The following IGF2R variants were observed in gnomAD, a reference collection of about 807,000 sequenced individuals.
The protein encoded by IGF2R is cation-independent mannose-6-phosphate receptor.
IGF2R carries 91 observed loss-of-function variants against 270.6 expected under a neutral mutation model. The observed-to-expected ratio is 0.34, with a 90% CI of 0.28 to 0.40. The LOEUF is 0.40. Among genes scored for constraint, IGF2R ranks in the 10% least tolerant of loss-of-function variants. The probability of loss-of-function intolerance (pLI) is 1.00; values close to 1 mark genes in which losing one functional copy is unlikely to be tolerated. For missense variants in IGF2R, 2,805 were observed against 3,188.3 expected (o/e 0.88, Z 2.90); for synonymous variants, 1,316 against 1,258.9 (o/e 1.05, Z -0.96).
chr6:160,053,117 A>G (rs561923335), intron 19 of IGF2R, among the ~76,000 whole-genome samples: 9 of 152,308 alleles, frequency 5.9e-5, no homozygotes, highest in Non-Finnish European at 7.3e-5. Flanking sequence ...CTGCACGGCA[A>G]AAGAAGCATG....
In IGF2R at chr6:160,048,379, G is replaced by A; in HGVS notation, c.2350G>A (p.Ala784Thr). 6.2e-7 allele frequency: 1 copy of A among 1,614,120 alleles called. No homozygotes were observed. The part of the protein sequence containing the change: ...TLEQYDLSSL[A>T]KSEGGLGGNW... Reference sequence around the variant, plus strand: ...CATTTTGCTTTGAAATTTTAGTCTGGCAAAATCTGAAGGTGGCCTTGGAGG... The same window carrying A: ...CATTTTGCTTTGAAATTTTAGTCTGACAAAATCTGAAGGTGGCCTTGGAGG... Residue 784 changes from alanine (A) to threonine (T), a missense_variant, in exon 18 of 48, where the codon GCA becomes ACA. Physicochemically the swap from Ala to Thr is moderately conservative, Grantham distance 58. This residue lies in a region of IGF2R where 1,851 missense variants were observed against 2,207.2 expected (regional missense o/e 0.84). Coordinates refer to ENST00000356956, the MANE Select transcript of IGF2R (RefSeq NM_000876.4).
rs1022610212 is a variant in IGF2R at position 160,072,926 on chromosome 6, C to A, written c.4690+42C>A. 6 of 1,574,508 alleles carry A rather than the reference C, an allele frequency of 3.8e-6. No homozygotes were observed. The African/African-American group carries it at 6.8e-5, about 18-fold the overall frequency. On this transcript the variant is annotated intron_variant, in intron 33 of 47. Transcript: ENST00000356956. ...CTCGTGTGTTGTCTGACTCTCCCGT[C>A]CTCTGGGGTTGTCCTCAGTCTCTTT... is the stretch of plus-strand genomic sequence containing the variant.
chr6:160,078,239 T>C lies in IGF2R; in HGVS notation c.5355T>C (p.Phe1785=). The change falls in exon 37 of 48, where the codon TTT becomes TTC. Residue 1785 remains phenylalanine (F), a synonymous_variant. Coordinates refer to ENST00000356956, the MANE Select transcript of IGF2R (RefSeq NM_000876.4). ...PKLLRTSECD[F]VFEWETPVVC... ...TGTTAAGGACCAGCGAGTGCGACTT[T>C]GTGTTCGAATGGGAGACTCCTGTCG... is the stretch of plus-strand genomic sequence containing the variant. The C allele has an allele frequency of 6.2e-7, 1 of 1,614,174 alleles. No homozygotes were observed. The highest frequency in any genetic ancestry group is 8.5e-7 in the Non-Finnish European group (1 of 1,180,002).
intron 12 of IGF2R, among the ~76,000 whole-genome samples, chr6:160,044,084 A>G (rs1778010702): frequency 6.6e-6 from 1 of 152,208 alleles, no homozygotes; most frequent in Non-Finnish European, 1.5e-5. Context: ...TGCTTTGGAT[A>G]TGAGACACAT....
chr6:160,030,250 G>A (rs1331501490), intron 7 of IGF2R, among the ~76,000 whole-genome samples: 1 of 152,228 alleles, frequency 6.6e-6, no homozygotes, highest in Non-Finnish European at 1.5e-5. Flanking sequence ...CCAGGGGCAG[G>A]TGCTGATGGA....
chr6:160,068,337 C>T lies in IGF2R; in HGVS notation c.4204C>T (p.His1402Tyr), dbSNP rs759574127. Residue 1402 changes from histidine to tyrosine, a missense_variant, in exon 30 of 48, where the codon CAC becomes TAC. This residue lies in a region of IGF2R where 1,851 missense variants were observed against 2,207.2 expected (regional missense o/e 0.84). Coordinates refer to ENST00000356956, the MANE Select transcript of IGF2R (RefSeq NM_000876.4). ...EAITGTGDPE[H>Y]YLINVCKSLA... ...CATCACTGGGACGGGGGACCCGGAG[C>T]ACTACCTCATCAATGTCTGCAAGTC... is the stretch of plus-strand genomic sequence containing the variant. The T allele has an allele frequency of 9.9e-6, 16 of 1,614,140 alleles. No individual in the cohort carries two copies. The highest frequency in any genetic ancestry group is 6.7e-5 in the African/African-American group (5 of 74,952).
At chr6:160,002,210 G>A (rs188005175) in intron 2 of IGF2R, among the ~76,000 whole-genome samples, 8 of 152,198 alleles carry the variant, frequency 5.3e-5, no homozygotes, top group South Asian at 2.1e-4. Flanking sequence ...GGACAACATA[G>A]TGGAACCCCA....
chr6:160,027,978 A>G (rs948321156), intron 6 of IGF2R, among the ~76,000 whole-genome samples: 1 of 152,176 alleles, frequency 6.6e-6, no homozygotes, highest in African/African-American at 2.4e-5. Context: ...AGCATGTGCA[A>G]TTATAATGGC....
At chr6:160,022,361 T>C (rs1325385977) in intron 4 of IGF2R, among the ~76,000 whole-genome samples, 2 of 152,222 alleles carry the variant, frequency 1.3e-5, no homozygotes, top group Non-Finnish European at 1.5e-5. Context: ...AATATCCATG[T>C]AATACAACTG....
intron 41 of IGF2R, among the ~76,000 whole-genome samples, chr6:160,086,406 A>G (rs771783353): frequency 3.3e-5 from 5 of 152,182 alleles, no homozygotes; most frequent in South Asian, 4.1e-4. Flanking sequence ...CGCTTAGGGA[A>G]TGGACCCCTG....
intron 11 of IGF2R, 109 bp from the exon 12 acceptor site, chr6:160,043,039 G>C: frequency 1.7e-6 from 2 of 1,181,960 alleles, no homozygotes; most frequent in South Asian, 2.9e-5. Flanking sequence ...GAGTGACGAA[G>C]TGGTTTGGGA....
chr6:160,045,621 C>G, intron 13 of IGF2R, 124 bp from the exon 14 acceptor site: 1 of 1,184,814 alleles, frequency 8.4e-7, no homozygotes, highest in South Asian at 1.3e-5. Context: ...TTTTTTGACC[C>G]TTCTATGCAT....
At chr6:159,989,947 C>T (rs1394822871) in intron 1 of IGF2R, among the ~76,000 whole-genome samples, 1 of 152,226 alleles carries the variant, frequency 6.6e-6, no homozygotes, top group Non-Finnish European at 1.5e-5. Context: ...AACTCACTAT[C>T]TGCTTTGCCA....
chr6:160,034,373 C>T (rs1342415765), intron 9 of IGF2R, 46 bp from the exon 10 acceptor site: 2 of 1,276,846 alleles, frequency 1.6e-6, no homozygotes, highest in South Asian at 1.2e-5. Context: ...AAGTTTTTTT[C>T]TTGGTTCTCC....
chr6:160,024,582 A>C lies in IGF2R; in HGVS notation c.524A>C (p.Tyr175Ser), dbSNP rs534827609. 6 of 1,613,980 alleles carry C rather than the reference A, an allele frequency of 3.7e-6. No homozygotes were observed. The East Asian group carries it at 6.7e-5, about 18-fold the overall frequency. ...IFKANKEVPC[Y>S]VFDEELRKHD... ...CTTCCTCCCTTCCAGGTGCCATGCT[A>C]TGTGTTTGATGAAGAGTTGAGGAAG... is the stretch of plus-strand genomic sequence containing the variant. Residue 175 changes from tyrosine (Y) to serine (S), a missense_variant, in exon 5 of 48, where the codon TAT (tyrosine) becomes TCT (serine). By Grantham distance (144) the Tyr-to-Ser change is moderately radical. Coordinates refer to ENST00000356956, the MANE Select transcript of IGF2R (RefSeq NM_000876.4).
intron 2 of IGF2R, among the ~76,000 whole-genome samples, chr6:160,000,728 GTT>G (rs59215791): frequency 0.11 from 7,505 of 69,384 alleles, 89 homozygotes; most frequent in Middle Eastern, 0.18. Context: ...GTGTGAGGTT[GTT>G]TTTTTTTTTT....
rs370190059 is a variant in IGF2R, at chr6:160,103,878, A to G, written c.7065+63A>G. 93 of 1,132,236 alleles carry G rather than the reference A, an allele frequency of 8.2e-5. No homozygotes were observed. The East Asian group carries it at 1.2e-3, about 15-fold the overall frequency. 70.1% of individuals were successfully genotyped at this position (1,132,236 alleles called of 1,614,324 possible). On this transcript the variant is annotated intron_variant, in intron 47 of 47. Coordinates refer to ENST00000356956, the MANE Select transcript of IGF2R (RefSeq NM_000876.4). ...CCCGGCCCCCTGTGCTGCGCTGTCC[A>G]TGTCGTTCTCATCAGGGGTGCCAAG...
chr6:159,997,270 C>T (rs191629413), intron 2 of IGF2R, among the ~76,000 whole-genome samples: 11 of 149,434 alleles, frequency 7.4e-5, no homozygotes, highest in Non-Finnish European at 1.6e-4. Flanking sequence ...GGGAACCCTG[C>T]AGCTCCCCTG....
At chr6:159,978,075 G>A (rs1468205818) in intron 1 of IGF2R, among the ~76,000 whole-genome samples, 2 of 152,012 alleles carry the variant, frequency 1.3e-5, no homozygotes, top group Admixed American at 1.3e-4. Context: ...CCTGTTTCTC[G>A]CCCTCCCAGA....
Sources: gnomAD v4.1 joint callset for allele counts (sites outside exome capture counted in the v4.1 genomes callset) on GRCh38, gnomAD v4.1.1 for gene constraint, gnomAD v4.1.1 regional missense constraint, MANE v1.5 for transcripts, NCBI Gene and HGNC (gene_info 2026-07-23, HGNC 2026-07-21) for gene names.